ZNF8: variants seen among roughly 807,000 people sequenced by gnomAD.
The protein encoded by ZNF8 is zinc finger protein 272.
In ZNF8, 9 loss-of-function variants were observed where a neutral mutation model predicts 12.2. That is an observed-to-expected ratio of 0.73 (90% CI 0.44 to 1.28). The LOEUF (loss-of-function observed/expected upper bound fraction) is 1.28, where lower values mean the gene tolerates loss of function less well. ZNF8 is among the 50% of genes most tolerant of loss of function. ZNF8 has a pLI of 0.00. For synonymous variants in ZNF8, 274 were observed against 282.3 expected (o/e 0.97, Z 0.30); for missense variants, 664 against 729.1 (o/e 0.91, Z 1.03).
chr19:58,294,783 T>A lies in ZNF8; in HGVS notation c.975T>A (p.Ser325Arg). 1 of 1,614,114 alleles carries A rather than the reference T, an allele frequency of 6.2e-7. No homozygotes were observed. The highest frequency in any genetic ancestry group is 1.1e-5 in the South Asian group (1 of 91,076). The part of the protein sequence containing the change: ...CAECGKSFCH[S>R]THLTVHRRIH... ...AATGTGGGAAGTCTTTCTGCCATAG[T>A]ACACACCTTACCGTCCATCGGAGGA... The change falls in exon 4 of 4, where the codon AGT (serine) becomes AGA (arginine). Residue 325 changes from serine (S) to arginine (R), a missense_variant. This residue lies in a region of ZNF8 where 133 missense variants were observed against 198.4 expected (regional missense o/e 0.67). Transcript: ENST00000621650. This position sits in a 1 kb window ranked among gnomAD's most constrained non-coding sequence, Gnocchi z 5.5.
At chr19:58,290,185 C>T (rs1020923209) in intron 3 of ZNF8, among the ~76,000 whole-genome samples, 5 of 138,472 alleles carry the variant, frequency 3.6e-5, no homozygotes, top group Admixed American at 2.5e-4. Flanking sequence ...GCAATCTCGG[C>T]TCATTGCAAG....
At chr19:58,288,518 T>C (rs535633743) in intron 3 of ZNF8, among the ~76,000 whole-genome samples, 18 of 152,274 alleles carry the variant, frequency 1.2e-4, no homozygotes, top group South Asian at 1.0e-3. Flanking sequence ...GGGGTCTCTT[T>C]AGCCAGAACT....
chr19:58,301,164 C>T lies in ZNF8; in HGVS notation c.*5628C>T, dbSNP rs3745140. The T allele has an allele frequency of 0.3, 46,181 of 152,028 alleles. 8,472 individuals carry two copies. The highest frequency in any genetic ancestry group is 0.41 in the Non-Finnish European group (27,841 of 67,978). The allele number at this position is 152,028 out of a possible 1,614,324, so 9.4% of individuals were successfully genotyped here. ...CCGAAAGCTCCCCAAACCCAGCCTA[C>T]CCCAAACAAAACTCATTTTCCACCC... is the stretch of plus-strand genomic sequence containing the variant. On this transcript the variant is annotated 3_prime_UTR_variant, in exon 4 of 4. Transcript: ENST00000621650.
At position 58,299,658 on chromosome 19, in the gene ZNF8, A is replaced by G. The variant is rs2051479589; in HGVS notation, c.*4122A>G. The G allele has an allele frequency of 6.6e-6, 1 of 151,848 alleles. No individual in the cohort carries two copies. The highest frequency in any genetic ancestry group is 1.5e-5 in the Non-Finnish European group (1 of 68,102). The allele number at this position is 151,848 out of a possible 1,614,324, so 9.4% of individuals were successfully genotyped here. A position where few individuals can be genotyped will look rare whatever the true frequency, so the allele number is the denominator to read the frequency against. ...GTGGCGGGCGCCTGTAGTCCCAGCT[A>G]CTCGGGAGGCTGAGGCGGGAGAATG... On this transcript the variant is annotated 3_prime_UTR_variant, in exon 4 of 4. Transcript: ENST00000621650.
At chr19:58,282,834 C>G (rs1568523035) in intron 1 of ZNF8, among the ~76,000 whole-genome samples, 1 of 151,972 alleles carries the variant, frequency 6.6e-6, no homozygotes, top group Admixed American at 6.6e-5. Flanking sequence ...CACCATGTTG[C>G]CCAGGCTAGT....
chr19:58,279,861 T>A, intron 1 of ZNF8: 4 of 1,277,804 alleles, frequency 3.1e-6, no homozygotes, highest in Non-Finnish European at 2.0e-6. Flanking sequence ...CCTCAAGCTC[T>A]GCAACTTTGA....
At chr19:58,283,460 A>C (rs1054880334) in intron 1 of ZNF8, among the ~76,000 whole-genome samples, 2 of 152,074 alleles carry the variant, frequency 1.3e-5, no homozygotes, top group Non-Finnish European at 2.9e-5. Context: ...AGAAGGAGAG[A>C]GAGACCTGAG....
rs1008438479 is a variant in ZNF8, at chr19:58,295,885, G to A, written c.*349G>A. The A allele has an allele frequency of 2.1e-5, 5 of 235,084 alleles. No homozygotes were observed. Among genetic ancestry groups the A allele is most frequent in the East Asian group, 2.1e-4 (2 of 9,396 alleles). 14.6% of individuals were successfully genotyped at this position (235,084 alleles called of 1,614,324 possible). A position where few individuals can be genotyped will look rare whatever the true frequency, so the allele number is the denominator to read the frequency against. On this transcript the variant is annotated 3_prime_UTR_variant, in exon 4 of 4. Coordinates refer to ENST00000621650, the MANE Select transcript of ZNF8 (RefSeq NM_021089.3). ...ATGGTAGAGTAAATTGTAGAGTAACGTGTACTGACTTGGTGCAGTATTTCT... is the reference window on the plus strand; with the variant it reads ...ATGGTAGAGTAAATTGTAGAGTAACATGTACTGACTTGGTGCAGTATTTCT...
chr19:58,291,124 G>A (rs537631408), intron 3 of ZNF8, among the ~76,000 whole-genome samples: 2 of 152,304 alleles, frequency 1.3e-5, no homozygotes, highest in East Asian at 1.9e-4. Flanking sequence ...ATGGCTGGGC[G>A]ATCTCAAGCC....
Position 58,300,919 on chromosome 19 carries a change from T to C in ZNF8, c.*5383T>C, listed in dbSNP as rs2051488374. 1 of 152,424 alleles carries C rather than the reference T, an allele frequency of 6.6e-6. No homozygotes were observed. The highest frequency in any genetic ancestry group is 2.4e-5 in the African/African-American group (1 of 41,444). The allele number at this position is 152,424 out of a possible 1,614,324, so 9.4% of individuals were successfully genotyped here. A position where few individuals can be genotyped will look rare whatever the true frequency, so the allele number is the denominator to read the frequency against. ...CTTTGCAGAGCTCCATCTCCTTGCATTGTGGGGTTCCTTCTAACTCTTCAG... is the reference window on the plus strand; with the variant it reads ...CTTTGCAGAGCTCCATCTCCTTGCACTGTGGGGTTCCTTCTAACTCTTCAG... On this transcript the variant is annotated 3_prime_UTR_variant, in exon 4 of 4. Transcript: ENST00000621650.
chr19:58,287,114 A>G lies in ZNF8; in HGVS notation c.289+909A>G, dbSNP rs1010948535. On this transcript the variant is annotated intron_variant, in intron 3 of 3. Transcript: ENST00000621650. ...GAGTGCAGTGGCGTAATCACGGTTC[A>G]CTGCAGCCTTGACCTCCCTAGTTCA... is the stretch of plus-strand genomic sequence containing the variant. 4.6e-5 allele frequency among the ~76,000 whole-genome samples: 7 copies of G among 152,112 alleles called. No homozygotes were observed. The South Asian group carries it at 1.2e-3, about 27-fold the overall frequency.
chr19:58,286,380 G>A, intron 3 of ZNF8, 175 bp downstream of exon 3: 1 of 551,714 alleles, frequency 1.8e-6, no homozygotes, highest in South Asian at 2.2e-5. Flanking sequence ...GACCAACAAA[G>A]GGGAAAGGCG....
intron 3 of ZNF8, among the ~76,000 whole-genome samples, chr19:58,290,343 T>C (rs112216467): frequency 0.055 from 8,318 of 150,768 alleles, 668 homozygotes; most frequent in African/African-American, 0.18. Flanking sequence ...CTCTATCTCC[T>C]GACCTCGTGA....
chr19:58,295,020 G>C lies in ZNF8; in HGVS notation c.1212G>C (p.Lys404Asn). 6.2e-7 allele frequency: 1 copy of C among 1,614,094 alleles called. No individual in the cohort carries two copies. Among genetic ancestry groups the C allele is most frequent in the Non-Finnish European group, 8.5e-7 (1 of 1,179,982 alleles). The change falls in exon 4 of 4, where the codon AAG (lysine) becomes AAC (asparagine). Residue 404 changes from lysine (K) to asparagine (N), a missense_variant. Lys to Asn is a moderately conservative substitution (Grantham distance 94). Transcript: ENST00000621650. ...ERPYECNHCGKGFRHSSSLAQ... is the reference protein window; with the variant it reads ...ERPYECNHCGNGFRHSSSLAQ... ...CCTACGAGTGTAACCACTGCGGGAA[G>C]GGCTTCAGGCACAGCTCATCCCTGG...
At chr19:58,282,188 G>A (rs7253055) in intron 1 of ZNF8, among the ~76,000 whole-genome samples, 40,948 of 152,080 alleles carry the variant, frequency 0.27, 5,995 homozygotes, top group African/African-American at 0.39. Context: ...AGCAACACTG[G>A]TGGTGTATAG....
At chr19:58,285,150 TTTTTTTG>T (rs1222972132) in intron 1 of ZNF8, among the ~76,000 whole-genome samples, 1 of 100,384 alleles carries the variant, frequency 1.0e-5, no homozygotes, top group African/African-American at 3.6e-5. Context: ...GGTGAACCTG[TTTTTTTG>T]TTTTTTTTTT....
At chr19:58,292,160 A>C (rs138858277) in intron 3 of ZNF8, among the ~76,000 whole-genome samples, 1 of 152,310 alleles carries the variant, frequency 6.6e-6, no homozygotes, top group Non-Finnish European at 1.5e-5. Flanking sequence ...TTTTGAGTAT[A>C]TTCTCAGATT....
At chr19:58,290,106 T>TTC (rs1490375813) in intron 3 of ZNF8, among the ~76,000 whole-genome samples, 39 of 113,040 alleles carry the variant, frequency 3.5e-4, no homozygotes, top group African/African-American at 1.3e-3. Flanking sequence ...CATTTCAAGA[T>TTC]TCTTTTTTTT....
chr19:58,279,964 A>T (rs1249728440), intron 1 of ZNF8: 1 of 911,814 alleles, frequency 1.1e-6, no homozygotes, highest in Non-Finnish European at 1.5e-6. Flanking sequence ...TGATAATCTT[A>T]GGTTGCAGGT....
Sources: allele counts gnomAD v4.1 joint callset (sites outside exome capture counted in the v4.1 genomes callset), GRCh38; gene constraint gnomAD v4.1.1; regional missense constraint gnomAD v4.1.1; non-coding constraint Gnocchi (gnomAD v3.1); transcripts MANE v1.5; gene names NCBI Gene and HGNC (gene_info 2026-07-23, HGNC 2026-07-21).